MAP7: variants seen among roughly 807,000 people sequenced by gnomAD.
MAP7 encodes the protein ensconsin.
MAP7 carries 52 observed loss-of-function variants against 94.8 expected under a neutral mutation model. The observed-to-expected ratio is 0.55, with a 90% CI of 0.44 to 0.69. The LOEUF (loss-of-function observed/expected upper bound fraction) is 0.69. MAP7 is among the 30% of genes least tolerant of loss of function. The pLI is 0.00. For missense variants in MAP7, 940 were observed against 964.6 expected, an observed-to-expected ratio of 0.97 and a Z score of 0.34; for synonymous variants, 350 against 357.0, an observed-to-expected ratio of 0.98 and a Z score of 0.22.
chr6:136,346,729 G>C (rs202032201), intron 16 of MAP7, among the ~76,000 whole-genome samples: 1 of 131,472 alleles, frequency 7.6e-6, no homozygotes, highest in African/African-American at 2.8e-5. Context: ...TCATCTGATA[G>C]AGTACCACTT....
In MAP7 at chr6:136,449,018, A is replaced by AAAAAAG. The variant is rs1554257989; in HGVS notation, c.68-27220_68-27219insCTTTTT. On this transcript the variant is annotated intron_variant, in intron 1 of 17. Coordinates refer to ENST00000354570, the MANE Select transcript of MAP7 (RefSeq NM_003980.6). ...CAGTGGTGTTAAAAAAAAAAAAAAA[A>AAAAAAG]AAGAAGCAAGCCAGGCACAGTGGCT... Among the ~76,000 whole-genome samples the AAAAAAG allele has an allele frequency of 1.4e-4, 20 of 143,592 alleles. 1 individual carries two copies. Among genetic ancestry groups the AAAAAAG allele is most frequent in the South Asian group, 2.2e-4 (1 of 4,636 alleles). 94.2% of individuals were successfully genotyped at this position (143,592 alleles called of 152,430 possible). A position where few individuals can be genotyped will look rare whatever the true frequency, so the allele number is the denominator to read the frequency against.
chr6:136,542,193 A>T (rs1467846189), intron 1 of MAP7, among the ~76,000 whole-genome samples: 1 of 152,276 alleles, frequency 6.6e-6, no homozygotes, highest in African/African-American at 2.4e-5. Context: ...TCCAAATGCC[A>T]TTTAAATGTG....
chr6:136,383,615 GA>G (rs1168348392), intron 6 of MAP7, 55 bp downstream of exon 6: 30 of 956,922 alleles, frequency 3.1e-5, no homozygotes, highest in South Asian at 8.9e-5. Flanking sequence ...TAAACATCCA[GA>G]AAAAAAAGCA....
chr6:136,541,206 A>T (rs1829284066), intron 1 of MAP7, among the ~76,000 whole-genome samples: 1 of 152,178 alleles, frequency 6.6e-6, no homozygotes, highest in African/African-American at 2.4e-5. Context: ...TGCTACAGGA[A>T]CACATCTTAC....
chr6:136,402,651 A>G (rs1784410243), intron 3 of MAP7, among the ~76,000 whole-genome samples: 1 of 152,202 alleles, frequency 6.6e-6, no homozygotes, highest in Non-Finnish European at 1.5e-5. Flanking sequence ...TCACGCCTGT[A>G]ATCCCAGCAC....
At chr6:136,510,700 A>G (rs1397041330) in intron 1 of MAP7, among the ~76,000 whole-genome samples, 2 of 152,050 alleles carry the variant, frequency 1.3e-5, no homozygotes, top group African/African-American at 4.8e-5. Flanking sequence ...GACCATACTC[A>G]TATAACTTTT....
At chr6:136,346,606 A>G (rs1787776633) in intron 16 of MAP7, among the ~76,000 whole-genome samples, 2 of 152,216 alleles carry the variant, frequency 1.3e-5, no homozygotes, top group Non-Finnish European at 2.9e-5. Flanking sequence ...TTGTTATGAA[A>G]ATTATCAAAT....
At chr6:136,548,037 G>C (rs1196105602) in intron 1 of MAP7, among the ~76,000 whole-genome samples, 3 of 151,704 alleles carry the variant, frequency 2.0e-5, no homozygotes, top group African/African-American at 7.3e-5. Context: ...GCCATTTAAG[G>C]TGGCAATTTT....
chr6:136,431,752 A>G (rs1794998256), intron 1 of MAP7, among the ~76,000 whole-genome samples: 1 of 152,230 alleles, frequency 6.6e-6, no homozygotes, highest in South Asian at 2.1e-4. Context: ...TCCTCACCCC[A>G]GGTGATCCTC....
intron 8 of MAP7, among the ~76,000 whole-genome samples, chr6:136,371,514 C>T (rs1443766922): frequency 1.3e-5 from 2 of 152,220 alleles, no homozygotes; most frequent in African/African-American, 2.4e-5. Context: ...GAAAAACAGG[C>T]TGTAGGCAAA....
chr6:136,488,642 A>C (rs1815560512), intron 1 of MAP7, among the ~76,000 whole-genome samples: 1 of 151,720 alleles, frequency 6.6e-6, no homozygotes, highest in East Asian at 1.9e-4. Flanking sequence ...ATGGGGTTTC[A>C]CCATGTTGGC....
At chr6:136,387,641 A>G (rs905372416) in intron 5 of MAP7, among the ~76,000 whole-genome samples, 1 of 152,138 alleles carries the variant, frequency 6.6e-6, no homozygotes, top group African/African-American at 2.4e-5. Context: ...TACCACCAAA[A>G]GTTATGAAGT....
chr6:136,399,702 C>T (rs990226193), intron 3 of MAP7, among the ~76,000 whole-genome samples: 17 of 152,098 alleles, frequency 1.1e-4, no homozygotes, highest in Admixed American at 3.9e-4. Flanking sequence ...AACCTTTATG[C>T]TTTATCTCAA....
At chr6:136,345,708 G>T in intron 17 of MAP7, 148 bp downstream of exon 17, 1 of 744,644 alleles carries the variant, frequency 1.3e-6, no homozygotes, top group Non-Finnish European at 2.4e-6. Context: ...ATTTCTATGA[G>T]CCAGGCACAA....
chr6:136,519,596 T>G (rs910417003), intron 1 of MAP7, among the ~76,000 whole-genome samples: 14 of 152,324 alleles, frequency 9.2e-5, no homozygotes, highest in African/African-American at 3.4e-4. Context: ...TAGATTATAT[T>G]TCGTTTGGAA....
intron 1 of MAP7, among the ~76,000 whole-genome samples, chr6:136,456,869 A>AAGAAGAAGAAGAAGAAGAAGAAGAAGG (rs1803393151): frequency 6.8e-6 from 1 of 147,902 alleles, no homozygotes; most frequent in Non-Finnish European, 1.5e-5. Flanking sequence ...GAAGAAGAAG[A>AAGAAGAAGAAGAAGAAGAAGAAGAAGG]AGAAATACTT....
intron 2 of MAP7, 30 bp from the exon 3 acceptor site, chr6:136,411,727 T>G: frequency 6.7e-7 from 1 of 1,486,402 alleles, no homozygotes; most frequent in Middle Eastern, 1.9e-4. Context: ...AAACATGAGA[T>G]GAAGAGTGGA....
intron 1 of MAP7, chr6:136,545,316 A>C (rs1829644701): frequency 1.3e-5 from 2 of 151,396 alleles, no homozygotes; most frequent in Non-Finnish European, 2.9e-5. Flanking sequence ...AAAGCAGTAA[A>C]AGAAAAAAAA....
chr6:136,396,465 G>A (rs1408687881), intron 3 of MAP7, among the ~76,000 whole-genome samples: 1 of 152,030 alleles, frequency 6.6e-6, no homozygotes, highest in African/African-American at 2.4e-5. Context: ...GAAGCTTTTA[G>A]GGGTTTTTAT....
Sources: gnomAD v4.1 joint callset for allele counts (sites outside exome capture counted in the v4.1 genomes callset) on GRCh38, gnomAD v4.1.1 for gene constraint, MANE v1.5 for transcripts, NCBI Gene and HGNC (gene_info 2026-07-23, HGNC 2026-07-21) for gene names.